Variants in PAK4 observed in about 807,000 individuals in gnomAD.
PAK4 encodes the protein serine/threonine-protein kinase PAK 4.
Under a neutral mutation model 53.5 loss-of-function variants are expected in PAK4, and 49 were observed. The observed-to-expected ratio is 0.92, with a 90% confidence interval of 0.73 to 1.16. PAK4 has a LOEUF of 1.16. Ranked by LOEUF, PAK4 falls within the 50% of genes most tolerant of loss-of-function variation. The probability of loss-of-function intolerance (pLI) is 0.00; values close to 1 mark genes in which losing one functional copy is unlikely to be tolerated. For missense variants in PAK4, 824 were observed against 850.7 expected (o/e 0.97, Z 0.39); for synonymous variants, 376 against 375.6 (o/e 1.00, Z -0.01).
At chr19:39,145,772 C>T (rs2073989004) in intron 1 of PAK4, among the ~76,000 whole-genome samples, 1 of 152,204 alleles carries the variant, frequency 6.6e-6, no homozygotes, top group Admixed American at 6.5e-5. Flanking sequence ...CTTCTCTTCC[C>T]ATACTGCCCT....
intron 1 of PAK4, among the ~76,000 whole-genome samples, chr19:39,152,653 A>G (rs1271881267): frequency 2.6e-5 from 4 of 152,224 alleles, no homozygotes; most frequent in Non-Finnish European, 4.4e-5. Context: ...GCGAAAGTCA[A>G]CAGCCACAGG....
intron 1 of PAK4, among the ~76,000 whole-genome samples, chr19:39,142,351 T>C (rs2073924376): frequency 3.3e-5 from 5 of 152,218 alleles, no homozygotes; most frequent in Non-Finnish European, 4.4e-5. Context: ...CAAGCACGCT[T>C]TCTTAGGTGG....
chr19:39,177,667 C>T lies in PAK4; in HGVS notation c.1486-8C>T, dbSNP rs375933243. 2.9e-5 allele frequency: 47 copies of T among 1,610,268 alleles called. 1 individual carries two copies. Among genetic ancestry groups the T allele is most frequent in the Admixed American group, 1.5e-4 (9 of 59,614 alleles). ...AGCTCAGCCCTGCTGTCCCTTCTCCCGCCCCAGGTAGACATCTGGTCGCTG... is the reference window on the plus strand; with the variant it reads ...AGCTCAGCCCTGCTGTCCCTTCTCCTGCCCCAGGTAGACATCTGGTCGCTG... On this transcript the variant is annotated splice_polypyrimidine_tract_variant and splice_region_variant and intron_variant, in intron 7 of 8. Coordinates refer to ENST00000358301, the Ensembl canonical transcript of PAK4.
At position 39,175,925 on chromosome 19, in the gene PAK4, C is replaced by T. The variant is rs142016962; in HGVS notation, c.1359+487C>T. Among the ~76,000 whole-genome samples the T allele has an allele frequency of 3.9e-5, 6 of 152,156 alleles. No individual in the cohort carries two copies. Among genetic ancestry groups the T allele is most frequent in the Non-Finnish European group, 5.9e-5 (4 of 68,020 alleles). On this transcript the variant is annotated intron_variant, in intron 6 of 8. Coordinates refer to ENST00000358301, the Ensembl canonical transcript of PAK4. This position sits in a 1 kb window ranked among gnomAD's most constrained non-coding sequence, Gnocchi z 4.7. ...GAAGTGGATGACTCCATCCCCTCCC[C>T]CAAGGAAGATTAAGCCACACCATTA...
intron 1 of PAK4, among the ~76,000 whole-genome samples, chr19:39,132,392 T>G (rs894006921): frequency 6.6e-6 from 1 of 152,212 alleles, no homozygotes; most frequent in Non-Finnish European, 1.5e-5. Context: ...TTTCTTGAAA[T>G]ATTTGTTCCC....
In PAK4 at chr19:39,173,646, C is replaced by T. The variant is rs1375812031; in HGVS notation, c.734C>T (p.Ser245Phe). ...CTGGCCATCCCCCAGTCCTCCTCCTCCTCCTCCCGGCCTCCCACCCGAGCC... is the reference window on the plus strand; with the variant it reads ...CTGGCCATCCCCCAGTCCTCCTCCTTCTCCTCCCGGCCTCCCACCCGAGCC... The change falls in exon 4 of 9, where the codon TCC becomes TTC. Residue 245 changes from serine to phenylalanine, a missense_variant. Physicochemically the swap from Ser to Phe is radical, Grantham distance 155. Coordinates refer to ENST00000358301, the Ensembl canonical transcript of PAK4. The surrounding 1 kb of genome is among the most constrained non-coding windows in gnomAD (Gnocchi z 6.9). 6.3e-7 allele frequency: 1 copy of T among 1,574,918 alleles called. No homozygotes were observed. The highest frequency in any genetic ancestry group is 8.6e-7 in the Non-Finnish European group (1 of 1,159,710).
At chr19:39,174,437 C>T (rs2074559987) in intron 4 of PAK4, among the ~76,000 whole-genome samples, 1 of 151,842 alleles carries the variant, frequency 6.6e-6, no homozygotes, top group Non-Finnish European at 1.5e-5. Flanking sequence ...CAGGCCCACC[C>T]CCTCCCCGTC....
intron 1 of PAK4, among the ~76,000 whole-genome samples, chr19:39,156,478 G>A (rs943132800): frequency 1.3e-5 from 2 of 152,210 alleles, no homozygotes; most frequent in African/African-American, 4.8e-5. Flanking sequence ...GGGTGAGGCG[G>A]GGTGTGCCTG....
intron 1 of PAK4, among the ~76,000 whole-genome samples, chr19:39,145,546 C>T (rs1413156900): frequency 2.6e-5 from 4 of 152,166 alleles, no homozygotes; most frequent in African/African-American, 4.8e-5. Flanking sequence ...CCCTGCTCCA[C>T]GTGGGTTTGA....
intron 1 of PAK4, among the ~76,000 whole-genome samples, chr19:39,129,397 G>A (rs146990263): frequency 2.6e-5 from 4 of 152,142 alleles, no homozygotes; most frequent in African/African-American, 7.2e-5. Context: ...CTTCTGGAAC[G>A]CGTGTTCCTG....
chr19:39,127,581 T>C (rs186492147), intron 1 of PAK4, among the ~76,000 whole-genome samples: 3 of 152,070 alleles, frequency 2.0e-5, no homozygotes, highest in Non-Finnish European at 2.9e-5. Flanking sequence ...GTGACATTGC[T>C]GGGGGTTGAC....
chr19:39,176,343 C>T (rs978123179), intron 6 of PAK4: 4 of 544,498 alleles, frequency 7.3e-6, no homozygotes, highest in African/African-American at 1.9e-5. Flanking sequence ...TCCCCAAAAG[C>T]CCCAGAGGCT....
intron 1 of PAK4, among the ~76,000 whole-genome samples, chr19:39,139,160 G>A (rs1164240072): frequency 6.6e-6 from 1 of 152,202 alleles, no homozygotes; most frequent in African/African-American, 2.4e-5. Flanking sequence ...CCTTTGTGGA[G>A]TGCTCGGACT....
At chr19:39,162,564 G>A (rs924297478) in intron 1 of PAK4, among the ~76,000 whole-genome samples, 4 of 152,022 alleles carry the variant, frequency 2.6e-5, no homozygotes, top group African/African-American at 9.7e-5. Flanking sequence ...CACCGTGCCC[G>A]GCCTTGACCA....
Position 39,161,341 on chromosome 19 carries a change from T to TGCGCCAGGCTCC in PAK4, c.-22-8182_-22-8171dup, listed in dbSNP as rs897174758. Among the ~76,000 whole-genome samples the TGCGCCAGGCTCC allele has an allele frequency of 6.6e-6, 1 of 152,196 alleles. No individual in the cohort carries two copies. Among genetic ancestry groups the TGCGCCAGGCTCC allele is most frequent in the Non-Finnish European group, 1.5e-5 (1 of 68,018 alleles). ...CTGGAGGGAACGGACCTAGGCTGAC[T>TGCGCCAGGCTCC]GCGCCAGGCTCCGCGCCAGGTGCTG... is the stretch of plus-strand genomic sequence containing the variant. On this transcript the variant is annotated intron_variant, in intron 1 of 8. Transcript: ENST00000358301. This position sits in a 1 kb window ranked among gnomAD's most constrained non-coding sequence, Gnocchi z 4.5.
At chr19:39,159,631 A>T (rs1210983933) in intron 1 of PAK4, among the ~76,000 whole-genome samples, 1 of 152,076 alleles carries the variant, frequency 6.6e-6, no homozygotes, top group Non-Finnish European at 1.5e-5. Context: ...CAGGTGATCC[A>T]CCTGCCTCGG....
chr19:39,135,639 C>T (rs1319979937), intron 1 of PAK4, among the ~76,000 whole-genome samples: 1 of 152,036 alleles, frequency 6.6e-6, no homozygotes, highest in African/African-American at 2.4e-5. Flanking sequence ...CCTGCCCAAG[C>T]GTGTATTCTT....
chr19:39,129,405 CT>C (rs2145090611), intron 1 of PAK4, among the ~76,000 whole-genome samples: 1 of 152,012 alleles, frequency 6.6e-6, no homozygotes, highest in East Asian at 1.9e-4. Context: ...ACGCGTGTTC[CT>C]GTAGACCATG....
chr19:39,172,042 C>T (rs555571113), intron 2 of PAK4, among the ~76,000 whole-genome samples: 78 of 152,328 alleles, frequency 5.1e-4, no homozygotes, highest in Non-Finnish European at 9.7e-4. Flanking sequence ...AGAATGCAGG[C>T]AGGGCAGGGG....
Sources: gnomAD v4.1 joint callset for allele counts (sites outside exome capture counted in the v4.1 genomes callset) on GRCh38, gnomAD v4.1.1 for gene constraint, Gnocchi (gnomAD v3.1) non-coding constraint, MANE v1.5 for transcripts, NCBI Gene and HGNC (gene_info 2026-07-23, HGNC 2026-07-21) for gene names.